The following DNTTIP1 variants were observed in gnomAD, a reference collection of about 807,000 sequenced individuals.
DNTTIP1 encodes deoxynucleotidyltransferase terminal interacting protein 1, also known as deoxynucleotidyltransferase terminal-interacting protein 1.
A neutral mutation model predicts 52.9 loss-of-function variants in DNTTIP1; 22 were observed. The observed-to-expected ratio is 0.42, with a 90% CI of 0.30 to 0.59. DNTTIP1 has a LOEUF of 0.59. DNTTIP1 is among the 20% of genes least tolerant of loss of function. DNTTIP1 has a pLI of 0.22. For missense variants in DNTTIP1, 286 were observed against 435.5 expected (o/e 0.66, Z 3.06); for synonymous variants, 136 against 155.1 (o/e 0.88, Z 0.92).
chr20:45,792,671 C>G lies in DNTTIP1; in HGVS notation c.106-6C>G, dbSNP rs369298466. 6.2e-7 allele frequency: 1 copy of G among 1,606,000 alleles called. No homozygotes were observed. The highest frequency in any genetic ancestry group is 8.5e-7 in the Non-Finnish European group (1 of 1,176,880). On this transcript the variant is annotated splice_polypyrimidine_tract_variant and splice_region_variant and intron_variant, in intron 1 of 12. Transcript: ENST00000372622. The stretch of plus-strand genomic sequence containing the variant: ...GCAGTGACATTTGTTCCGTTGGTCC[C>G]CACAGAACCCTTGGAACATAATGAT...
chr20:45,800,935 A>C (rs1981445635), intron 4 of DNTTIP1, 139 bp from the exon 5 acceptor site: 3 of 701,880 alleles, frequency 4.3e-6, no homozygotes, highest in African/African-American at 3.6e-5. Context: ...TGGAGGTTGC[A>C]GAGAGCCAAG....
chr20:45,806,071 T>C (rs1168960649), intron 10 of DNTTIP1, among the ~76,000 whole-genome samples: 1 of 148,726 alleles, frequency 6.7e-6, no homozygotes, highest in East Asian at 2.0e-4. Context: ...AAAATAACTC[T>C]GGGGTCTGGC....
At chr20:45,806,639 C>G (rs1262425093) in intron 10 of DNTTIP1, among the ~76,000 whole-genome samples, 31 of 152,210 alleles carry the variant, frequency 2.0e-4, no homozygotes, top group Admixed American at 2.0e-3. Context: ...CTGTGGGATC[C>G]CAGAATCACG....
intron 3 of DNTTIP1, among the ~76,000 whole-genome samples, chr20:45,795,004 T>C (rs1255665195): frequency 6.6e-6 from 1 of 151,980 alleles, no homozygotes; most frequent in Non-Finnish European, 1.5e-5. Context: ...TTCACCGTGT[T>C]AGCCAGGATG....
At chr20:45,801,959 A>G in intron 6 of DNTTIP1, 40 bp from the exon 7 acceptor site, 1 of 1,608,994 alleles carries the variant, frequency 6.2e-7, no homozygotes, top group Middle Eastern at 1.7e-4. Context: ...ATGGGGAGTA[A>G]CCACAGGGTC....
chr20:45,801,375 C>T (rs745836908), intron 5 of DNTTIP1, 27 bp from the exon 6 acceptor site: 17 of 1,613,654 alleles, frequency 1.1e-5, no homozygotes, highest in Non-Finnish European at 1.4e-5. Flanking sequence ...ACTGGCCTTC[C>T]ACTGACTCCC....
At position 45,811,020 on chromosome 20, in the gene DNTTIP1, C is replaced by A. The variant is rs772398394; in HGVS notation, c.852-37C>A. ...TAGAATGAGGCAGGGCCTACATCCT[C>A]ACTTCCCCCAACTTCTCTCTTCAAT... On this transcript the variant is annotated intron_variant, in intron 12 of 12. Coordinates refer to ENST00000372622, the MANE Select transcript of DNTTIP1 (RefSeq NM_052951.3). 13 of 1,613,012 alleles carry A rather than the reference C, an allele frequency of 8.1e-6. No homozygotes were observed. In the East Asian group the frequency reaches 2.9e-4, roughly 36 times the overall value.
chr20:45,810,779 T>C lies in DNTTIP1; in HGVS notation c.796-106T>C, dbSNP rs1981809348. On this transcript the variant is annotated intron_variant, in intron 11 of 12. Transcript: ENST00000372622. ...CTAAATTGTAAACCGCATCCCCCGCTTCCACCTAGTAGCAGGCCTTACATT... is the reference window on the plus strand; with the variant it reads ...CTAAATTGTAAACCGCATCCCCCGCCTCCACCTAGTAGCAGGCCTTACATT... 4.8e-6 allele frequency: 5 copies of C among 1,041,356 alleles called. No homozygotes were observed. In the East Asian group the frequency reaches 1.0e-4, roughly 21 times the overall value. The allele number at this position is 1,041,356 out of a possible 1,614,324, so 64.5% of individuals were successfully genotyped here.
At chr20:45,794,980 A>G (rs1981186651) in intron 3 of DNTTIP1, among the ~76,000 whole-genome samples, 1 of 151,782 alleles carries the variant, frequency 6.6e-6, no homozygotes, top group South Asian at 2.1e-4. Flanking sequence ...TTGTATTTTT[A>G]GTAGAGACGG....
At chr20:45,801,760 G>A (rs934435149) in intron 6 of DNTTIP1, among the ~76,000 whole-genome samples, 1 of 152,160 alleles carries the variant, frequency 6.6e-6, no homozygotes, top group Non-Finnish European at 1.5e-5. Flanking sequence ...TGCACTCCAG[G>A]CTGAGTAACA....
chr20:45,807,156 T>G (rs1314449557), intron 10 of DNTTIP1, among the ~76,000 whole-genome samples: 1 of 152,006 alleles, frequency 6.6e-6, no homozygotes, highest in Non-Finnish European at 1.5e-5. Context: ...GGAGTCTTGC[T>G]CTGTCACCCA....
rs1337236189 is a variant in DNTTIP1 at position 45,803,345 on chromosome 20, A to C, written c.570A>C (p.Lys190Asn). ...RAAAGMVWKP[K>N]SCEPIRREGP... ...TCCTTCCAAGCAGATGGAAACCAAA[A>C]TCCTGTGAACCAATTCGCCGGGAAG... is the stretch of plus-strand genomic sequence containing the variant. The change falls in exon 8 of 13, where the codon AAA becomes AAC. Residue 190 changes from lysine to asparagine, a missense_variant. Lys to Asn is a moderately conservative substitution (Grantham distance 94, BLOSUM62 0). Transcript: ENST00000372622. 6.2e-7 allele frequency: 1 copy of C among 1,614,066 alleles called. No homozygotes were observed. Among genetic ancestry groups the C allele is most frequent in the Non-Finnish European group, 8.5e-7 (1 of 1,180,046 alleles).
chr20:45,806,393 C>T (rs1981650833), intron 10 of DNTTIP1, among the ~76,000 whole-genome samples: 2 of 151,652 alleles, frequency 1.3e-5, no homozygotes, highest in Non-Finnish European at 2.9e-5. Flanking sequence ...AGGCAGGGTC[C>T]TGTGCCTTTT....
chr20:45,797,198 C>G (rs6032548), intron 4 of DNTTIP1, among the ~76,000 whole-genome samples: 96,573 of 152,044 alleles, frequency 0.64, 30,971 homozygotes, highest in Admixed American at 0.72. Flanking sequence ...TTTTAAAAAC[C>G]CTTCAGTGAC....
In DNTTIP1 at chr20:45,795,339, C is replaced by A; in HGVS notation, c.274-6C>A. On this transcript the variant is annotated splice_region_variant and splice_polypyrimidine_tract_variant and intron_variant, in intron 3 of 12. Transcript: ENST00000372622. ...TCTGACCTTGTCCTCTGTTGTGCTC[C>A]CCTAGTTCTTCCAGAAGGCAGCACT... The A allele has an allele frequency of 6.3e-7, 1 of 1,595,324 alleles. No individual in the cohort carries two copies.
chr20:45,799,902 G>T lies in DNTTIP1; in HGVS notation c.373-1172G>T, dbSNP rs573154132. On this transcript the variant is annotated intron_variant, in intron 4 of 12. Coordinates refer to ENST00000372622, the MANE Select transcript of DNTTIP1 (RefSeq NM_052951.3). ...GCGGGCAGATCACGAGGTCAGAAGT[G>T]TGAGACTAGCCTAGCCAACGTGATA... 4.0e-5 allele frequency among the ~76,000 whole-genome samples: 6 copies of T among 149,560 alleles called. No individual in the cohort carries two copies. In the South Asian group the frequency reaches 1.3e-3, roughly 31 times the overall value.
At chr20:45,793,586 G>A (rs546778674) in intron 2 of DNTTIP1, among the ~76,000 whole-genome samples, 38 of 152,286 alleles carry the variant, frequency 2.5e-4, no homozygotes, top group African/African-American at 8.9e-4. Context: ...TGTAATCCCA[G>A]CTACTAAGGA....
At chr20:45,797,631 A>G (rs1981285909) in intron 4 of DNTTIP1, among the ~76,000 whole-genome samples, 1 of 152,232 alleles carries the variant, frequency 6.6e-6, no homozygotes, top group African/African-American at 2.4e-5. Flanking sequence ...TAACAAATTT[A>G]CAAGAAAAAA....
chr20:45,804,262 T>C (rs1438440516), intron 8 of DNTTIP1, among the ~76,000 whole-genome samples: 2 of 152,034 alleles, frequency 1.3e-5, no homozygotes, highest in Non-Finnish European at 2.9e-5. Flanking sequence ...CATCTTTGCC[T>C]CCTCCTCCTC....
Sources: gnomAD v4.1 joint callset for allele counts (sites outside exome capture counted in the v4.1 genomes callset) on GRCh38, gnomAD v4.1.1 for gene constraint, MANE v1.5 for transcripts, NCBI Gene and HGNC (gene_info 2026-07-23, HGNC 2026-07-21) for gene names.